SAMTOR: variants seen among roughly 807,000 people sequenced by gnomAD.
SAMTOR encodes the protein UPF0532 protein C7orf60.
At chr7:112,855,380 G>A in the SAMTOR span, among the ~76,000 whole-genome samples, 3 of 152,172 alleles carry the variant, frequency 2.0e-5, no homozygotes, top group Admixed American at 6.5e-5. Context: ...GGTCAAAAGT[G>A]CAGGCAGGCA....
At chr7:112,879,693 T>G in the SAMTOR span, among the ~76,000 whole-genome samples, 4 of 152,150 alleles carry the variant, frequency 2.6e-5, no homozygotes, top group African/African-American at 9.7e-5. Flanking sequence ...CTTCAACAGT[T>G]TGAGATTTTG....
chr7:112,909,873 AATATT>A, the SAMTOR span, among the ~76,000 whole-genome samples: 41 of 150,826 alleles, frequency 2.7e-4, 1 homozygote, highest in East Asian at 2.7e-3. Context: ...AACACTATAT[AATATT>A]ATATTATATA....
chr7:112,869,042 G>T, the SAMTOR span, among the ~76,000 whole-genome samples: 9 of 152,140 alleles, frequency 5.9e-5, no homozygotes, highest in Non-Finnish European at 1.3e-4. Context: ...AGTGTGGACT[G>T]CCCCAACAGA....
chr7:112,844,608 A>G, the SAMTOR span, among the ~76,000 whole-genome samples: 1 of 152,234 alleles, frequency 6.6e-6, no homozygotes, highest in Non-Finnish European at 1.5e-5. Flanking sequence ...AACACAAAAA[A>G]ATGGAAAAAC....
the SAMTOR span, chr7:112,895,763 T>C: frequency 1.3e-5 from 19 of 1,468,792 alleles, no homozygotes; most frequent in Non-Finnish European, 1.7e-5. Flanking sequence ...TAAAGTTGTA[T>C]TTTAACATAC....
chr7:112,926,599 T>C, the SAMTOR span, among the ~76,000 whole-genome samples: 2 of 152,194 alleles, frequency 1.3e-5, no homozygotes, highest in Non-Finnish European at 2.9e-5. Context: ...ACACTGAAAA[T>C]TGATGTGATT....
At chr7:112,889,809 C>A in the SAMTOR span, among the ~76,000 whole-genome samples, 3 of 152,122 alleles carry the variant, frequency 2.0e-5, no homozygotes, top group African/African-American at 4.8e-5. Flanking sequence ...GCTCTCACCA[C>A]CCCCAACCCC....
At chr7:112,915,182 G>C in the SAMTOR span, 1 of 846,490 alleles carries the variant, frequency 1.2e-6, no homozygotes, top group Non-Finnish European at 1.7e-6. Flanking sequence ...AGGTTGCAGT[G>C]AGCCGAGATC....
At chr7:112,887,043 G>A in the SAMTOR span, among the ~76,000 whole-genome samples, 4 of 151,958 alleles carry the variant, frequency 2.6e-5, no homozygotes, top group Non-Finnish European at 5.9e-5. Flanking sequence ...GCATGCACCT[G>A]TAATCCCAGC....
the SAMTOR span, among the ~76,000 whole-genome samples, chr7:112,887,353 T>C: frequency 6.6e-6 from 1 of 151,740 alleles, no homozygotes; most frequent in Non-Finnish European, 1.5e-5. Context: ...AGTCATTATC[T>C]AATAATCATG....
At chr7:112,914,997 T>C in the SAMTOR span, among the ~76,000 whole-genome samples, 2 of 152,042 alleles carry the variant, frequency 1.3e-5, no homozygotes, top group Admixed American at 6.6e-5. Context: ...TCCAAGCACT[T>C]TGGGAGGCTG....
the SAMTOR span, among the ~76,000 whole-genome samples, chr7:112,919,688 T>A: frequency 1.3e-5 from 2 of 151,394 alleles, no homozygotes; most frequent in Non-Finnish European, 3.0e-5. Context: ...TCAACAAAAT[T>A]GATAGACCGC....
At chr7:112,845,499 A>G in the SAMTOR span, among the ~76,000 whole-genome samples, 3 of 152,166 alleles carry the variant, frequency 2.0e-5, no homozygotes, top group Admixed American at 1.3e-4. Flanking sequence ...GCTCAATATC[A>G]CTGATCATTA....
At chr7:112,886,822 T>C in the SAMTOR span, among the ~76,000 whole-genome samples, 9 of 152,210 alleles carry the variant, frequency 5.9e-5, no homozygotes, top group African/African-American at 2.2e-4. Flanking sequence ...ATTTGGTAAT[T>C]ATACATTGAA....
the SAMTOR span, among the ~76,000 whole-genome samples, chr7:112,927,853 T>C: frequency 4.6e-5 from 7 of 151,990 alleles, no homozygotes; most frequent in Non-Finnish European, 1.0e-4. Context: ...AAAAAACAAA[T>C]TCGTAATTTT....
the SAMTOR span, among the ~76,000 whole-genome samples, chr7:112,878,108 T>C: frequency 6.6e-6 from 1 of 152,202 alleles, no homozygotes; most frequent in Non-Finnish European, 1.5e-5. Context: ...GAAGTACTTT[T>C]TCTGCGCTTC....
the SAMTOR span, among the ~76,000 whole-genome samples, chr7:112,870,363 G>A: frequency 1.3e-5 from 2 of 152,106 alleles, no homozygotes; most frequent in African/African-American, 4.8e-5. Flanking sequence ...ATAAGAGATT[G>A]GGCTCCCGCT....
chr7:112,919,692 A>C, the SAMTOR span, among the ~76,000 whole-genome samples: 1 of 151,940 alleles, frequency 6.6e-6, no homozygotes, highest in Non-Finnish European at 1.5e-5. Context: ...CAAAATTGAT[A>C]GACCGCTAGC....
chr7:112,843,369 T>C, the SAMTOR span, among the ~76,000 whole-genome samples: 1 of 152,022 alleles, frequency 6.6e-6, no homozygotes, highest in Non-Finnish European at 1.5e-5. Flanking sequence ...ATATAATGAC[T>C]ACCACAATTT....
Sources: allele counts gnomAD v4.1 joint callset (sites outside exome capture counted in the v4.1 genomes callset), GRCh38; gene constraint gnomAD v4.1.1; transcripts MANE v1.5; gene names NCBI Gene and HGNC (gene_info 2026-07-23, HGNC 2026-07-21).